Variants in CCSER1 observed in about 807,000 individuals in gnomAD.
CCSER1 encodes coiled-coil serine rich protein 1.
CCSER1 carries 41 observed loss-of-function variants against 82.0 expected under a neutral mutation model. The observed-to-expected ratio is 0.50, with a 90% CI of 0.39 to 0.65. CCSER1 has a LOEUF of 0.65. Ranked by LOEUF, CCSER1 falls within the 30% of genes least tolerant of loss-of-function variation. The probability of loss-of-function intolerance (pLI) is 0.00; values close to 1 mark genes in which losing one functional copy is unlikely to be tolerated. For synonymous variants in CCSER1, 414 were observed against 383.9 expected, an observed-to-expected ratio of 1.08 and a Z score of -0.92; for missense variants, 1,119 against 1,064.2, an observed-to-expected ratio of 1.05 and a Z score of -0.72.
chr4:90,690,346 A>G (rs1560948137), intron 6 of CCSER1, among the ~76,000 whole-genome samples: 1 of 152,076 alleles, frequency 6.6e-6, no homozygotes, highest in Non-Finnish European at 1.5e-5. Context: ...TAAACTAAGT[A>G]TTAAAAGTGT....
rs75633981 is a variant in CCSER1 at position 91,214,099 on chromosome 4, C to T, written c.2217+128105C>T. 1.2e-3 allele frequency among the ~76,000 whole-genome samples: 186 copies of T among 152,196 alleles called. 3 individuals are homozygous for T. The East Asian group carries it at 0.024, about 19-fold the overall frequency. On this transcript the variant is annotated intron_variant, in intron 10 of 10. Coordinates refer to ENST00000509176, the MANE Select transcript of CCSER1 (RefSeq NM_001145065.2). ...CACTCCTGTGCCTTTTGCCTCCCTC[C>T]TGTCACCAAAAAGATTGCCAGAGTT...
At chr4:90,974,610 C>A (rs1434594508) in intron 9 of CCSER1, among the ~76,000 whole-genome samples, 1 of 151,304 alleles carries the variant, frequency 6.6e-6, no homozygotes, top group African/African-American at 2.4e-5. Context: ...AAATGCATGA[C>A]AAGAGTCTCA....
At chr4:90,245,690 T>A (rs1358745061) in intron 1 of CCSER1, among the ~76,000 whole-genome samples, 1 of 152,190 alleles carries the variant, frequency 6.6e-6, no homozygotes, top group Non-Finnish European at 1.5e-5. Context: ...ATAGTGTTTC[T>A]GTTTTTGGCT....
chr4:91,417,129 G>C (rs749154280), intron 10 of CCSER1, among the ~76,000 whole-genome samples: 3 of 152,152 alleles, frequency 2.0e-5, no homozygotes, highest in Non-Finnish European at 4.4e-5. Flanking sequence ...TTGATCATTA[G>C]AGAAATGCCA....
chr4:90,732,064 T>TCTC (rs1744858436), intron 7 of CCSER1, among the ~76,000 whole-genome samples: 5 of 148,722 alleles, frequency 3.4e-5, no homozygotes, highest in South Asian at 2.1e-4. Context: ...TCTCTCTCAC[T>TCTC]GCTCTATTCT....
chr4:90,790,198 C>G (rs888549672), intron 7 of CCSER1, among the ~76,000 whole-genome samples: 1 of 152,070 alleles, frequency 6.6e-6, no homozygotes, highest in South Asian at 2.1e-4. Flanking sequence ...TCCTATGCAG[C>G]CTTTTCTTTA....
chr4:90,743,938 C>T lies in CCSER1; in HGVS notation c.2010+19947C>T, dbSNP rs1322387165. Among the ~76,000 whole-genome samples the T allele has an allele frequency of 2.0e-5, 3 of 152,266 alleles. No homozygotes were observed. The East Asian group carries it at 5.8e-4, about 29-fold the overall frequency. Reference sequence around the variant, plus strand: ...TCTTGCTCTTTCCCATGGGCCTGGTCACTTAGTGATATTAGTTTTAAAAGT... The same window carrying T: ...TCTTGCTCTTTCCCATGGGCCTGGTTACTTAGTGATATTAGTTTTAAAAGT... On this transcript the variant is annotated intron_variant, in intron 7 of 10. Transcript: ENST00000509176.
chr4:91,020,264 TTG>T (rs2150524625), intron 9 of CCSER1, among the ~76,000 whole-genome samples: 1 of 152,330 alleles, frequency 6.6e-6, no homozygotes, highest in Non-Finnish European at 1.5e-5. Context: ...CCCACATCCC[TTG>T]CAAAGATATG....
intron 10 of CCSER1, among the ~76,000 whole-genome samples, chr4:91,424,428 G>A (rs1368024563): frequency 6.6e-6 from 1 of 151,904 alleles, no homozygotes; most frequent in Non-Finnish European, 1.5e-5. Context: ...TCAATATCTG[G>A]GTCAACAGTT....
chr4:91,225,489 A>G (rs1379703459), intron 10 of CCSER1, among the ~76,000 whole-genome samples: 3 of 149,302 alleles, frequency 2.0e-5, no homozygotes, highest in Non-Finnish European at 4.5e-5. Flanking sequence ...ATAGATACCT[A>G]CATATTTTTT....
rs1403155235 is a variant in CCSER1 at position 91,561,723 on chromosome 4, C to A, written c.2218-36849C>A. On this transcript the variant is annotated intron_variant, in intron 10 of 10. Transcript: ENST00000509176. ...AATGTTTTTATTTCTAAAAAGCAGA[C>A]AAATCAAAAATGGATTTAAACTCTT... Among the ~76,000 whole-genome samples the A allele has an allele frequency of 2.6e-5, 4 of 151,202 alleles. No individual in the cohort carries two copies. The East Asian group carries it at 7.7e-4, about 29-fold the overall frequency.
chr4:90,932,921 A>AGAAAGAAAGAAG lies in CCSER1; in HGVS notation c.2172+9485_2172+9486insGGAAAGAAAGAA, dbSNP rs1730079592. On this transcript the variant is annotated intron_variant, in intron 9 of 10. Coordinates refer to ENST00000509176, the MANE Select transcript of CCSER1 (RefSeq NM_001145065.2). ...AGGAGAAAGAAGGAGAAAGAAAGAA[A>AGAAAGAAAGAAG]GAAAGAAAGAAAGAAAGAAAGAAAG... Among the ~76,000 whole-genome samples the AGAAAGAAAGAAG allele has an allele frequency of 8.3e-5, 2 of 24,142 alleles. 1 individual carries two copies. Among genetic ancestry groups the AGAAAGAAAGAAG allele is most frequent in the Non-Finnish European group, 1.4e-4 (2 of 13,840 alleles). The allele number at this position is 24,142 out of a possible 152,430, so 15.8% of individuals were successfully genotyped here. A position where few individuals can be genotyped will look rare whatever the true frequency, so the allele number is the denominator to read the frequency against.
intron 6 of CCSER1, among the ~76,000 whole-genome samples, chr4:90,687,504 C>G (rs962509657): frequency 6.6e-6 from 1 of 152,068 alleles, no homozygotes; most frequent in Non-Finnish European, 1.5e-5. Flanking sequence ...TTTTGGAAAC[C>G]TGCAGTTGTC....
At chr4:91,484,499 A>G (rs935084060) in intron 10 of CCSER1, among the ~76,000 whole-genome samples, 1 of 152,246 alleles carries the variant, frequency 6.6e-6, no homozygotes, top group African/African-American at 2.4e-5. Flanking sequence ...TATTTGAAGA[A>G]TGATAGTTAA....
intron 10 of CCSER1, among the ~76,000 whole-genome samples, chr4:91,405,046 C>T (rs1323830378): frequency 4.6e-5 from 7 of 152,128 alleles, no homozygotes; most frequent in Admixed American, 4.6e-4. Flanking sequence ...CTTTGTAGGT[C>T]TCTAAGGACT....
chr4:90,921,503 T>A (rs1432549652), intron 8 of CCSER1, among the ~76,000 whole-genome samples: 1 of 152,028 alleles, frequency 6.6e-6, no homozygotes, highest in Non-Finnish European at 1.5e-5. Context: ...TGTTCCTTAT[T>A]TAAAGTTTTT....
intron 10 of CCSER1, among the ~76,000 whole-genome samples, chr4:91,259,583 C>T (rs1013991046): frequency 2.0e-5 from 3 of 151,882 alleles, no homozygotes; most frequent in Non-Finnish European, 2.9e-5. Context: ...TAATGCTCTC[C>T]CTCCCCTAGC....
chr4:90,614,111 A>T (rs1345626124), intron 5 of CCSER1, among the ~76,000 whole-genome samples: 5 of 151,928 alleles, frequency 3.3e-5, no homozygotes, highest in Non-Finnish European at 5.9e-5. Flanking sequence ...TTCACACAAG[A>T]TTTCAAACTT....
intron 5 of CCSER1, among the ~76,000 whole-genome samples, chr4:90,567,768 A>T (rs1391448339): frequency 6.6e-6 from 1 of 151,836 alleles, no homozygotes; most frequent in Non-Finnish European, 1.5e-5. Flanking sequence ...CACCATGTGT[A>T]GCTAATTTTT....
Sources: allele counts gnomAD v4.1 joint callset (sites outside exome capture counted in the v4.1 genomes callset), GRCh38; gene constraint gnomAD v4.1.1; transcripts MANE v1.5; gene names NCBI Gene and HGNC (gene_info 2026-07-23, HGNC 2026-07-21).